The following RGS10 variants were observed in gnomAD, a reference collection of about 807,000 sequenced individuals.
RGS10 encodes the protein regulator of G protein signaling 10, also known as regulator of G-protein signalling 10.
Under a neutral mutation model 23.5 loss-of-function variants are expected in RGS10, and 11 were observed. The ratio of observed to expected loss-of-function variants is 0.47; its 90% CI spans 0.29 to 0.77. The LOEUF is 0.77. Ranked by LOEUF, RGS10 falls within the 30% of genes least tolerant of loss-of-function variation. The pLI is 0.08. For missense variants in RGS10, 180 were observed against 226.3 expected, an observed-to-expected ratio of 0.80 and a Z score of 1.31; for synonymous variants, 77 against 83.2, an observed-to-expected ratio of 0.92 and a Z score of 0.41.
At chr10:119,539,856 G>A (rs1261270554) in intron 1 of RGS10, among the ~76,000 whole-genome samples, 1 of 152,054 alleles carries the variant, frequency 6.6e-6, no homozygotes, top group African/African-American at 2.4e-5. Flanking sequence ...CAGGACCACA[G>A]CCAGGTCCAA....
In RGS10 at chr10:119,537,716, G is replaced by A. The variant is rs545073993; in HGVS notation, c.49+4874C>T. The stretch of plus-strand genomic sequence containing the variant: ...GGTGGCCGCCTGCCCACAGTGCCAC[G>A]GGCTGGTAGGCGGTTTTCTTCACTA... On this transcript the variant is annotated intron_variant, in intron 1 of 4. Transcript: ENST00000369103. Among the ~76,000 whole-genome samples, 29 of 152,324 alleles carry A rather than the reference G, an allele frequency of 1.9e-4. No homozygotes were observed. In the East Asian group the frequency reaches 5.0e-3, roughly 26 times the overall value.
chr10:119,533,477 A>T (rs1844354063), intron 1 of RGS10, among the ~76,000 whole-genome samples: 1 of 152,254 alleles, frequency 6.6e-6, no homozygotes, highest in African/African-American at 2.4e-5. Flanking sequence ...GAAGAAATAA[A>T]TACTCTTTCT....
At chr10:119,518,256 C>A (rs918040796) in intron 3 of RGS10, among the ~76,000 whole-genome samples, 5 of 152,190 alleles carry the variant, frequency 3.3e-5, no homozygotes, top group Non-Finnish European at 7.4e-5. Flanking sequence ...GACCAGAGAG[C>A]CCCTTTCTCC....
In RGS10 at chr10:119,534,821, C is replaced by T. The variant is rs188581988; in HGVS notation, c.50-7397G>A. The stretch of plus-strand genomic sequence containing the variant: ...AGGAGGATTGCTTGAACCTGGGAGG[C>T]GGAGGTTGCAGTGAGCCGAGATCAA... On this transcript the variant is annotated intron_variant, in intron 1 of 4. Transcript: ENST00000369103. Among the ~76,000 whole-genome samples the T allele has an allele frequency of 9.2e-5, 14 of 151,436 alleles. No individual in the cohort carries two copies. In the Middle Eastern group the frequency reaches 0.01, roughly 111 times the overall value.
At chr10:119,525,262 G>A (rs1199542375) in intron 3 of RGS10, among the ~76,000 whole-genome samples, 1 of 152,160 alleles carries the variant, frequency 6.6e-6, no homozygotes, top group African/African-American at 2.4e-5. Flanking sequence ...GACGGAACCT[G>A]AAGCAGGGGA....
chr10:119,512,498 C>T (rs1844089876), intron 4 of RGS10, among the ~76,000 whole-genome samples: 1 of 152,058 alleles, frequency 6.6e-6, no homozygotes, highest in Admixed American at 6.5e-5. Context: ...TGTTTTCACC[C>T]AATTATGCCT....
At chr10:119,503,458 G>T (rs1843974459) in intron 4 of RGS10, among the ~76,000 whole-genome samples, 1 of 152,186 alleles carries the variant, frequency 6.6e-6, no homozygotes. Context: ...TGTGACTGGG[G>T]CCCAGTAAGT....
rs374757155 is a variant in RGS10 at position 119,503,990 on chromosome 10, C to T, written c.400-3731G>A. Among the ~76,000 whole-genome samples, 99 of 152,302 alleles carry T rather than the reference C, an allele frequency of 6.5e-4. 1 individual carries two copies. In the South Asian group the frequency reaches 0.018, roughly 27 times the overall value. On this transcript the variant is annotated intron_variant, in intron 4 of 4. Coordinates refer to ENST00000369103, the MANE Select transcript of RGS10 (RefSeq NM_001005339.2). ...CATAACAGTGAGCAAAAGAGAAGGG[C>T]GGAAGGCCAGCCCTGGCAGGCTCTG...
rs10749322 is a variant in RGS10 at position 119,538,966 on chromosome 10, T to C, written c.49+3624A>G. 0.91 allele frequency among the ~76,000 whole-genome samples: 139,071 copies of C among 152,232 alleles called. 63,598 individuals are homozygous for C. The highest frequency in any genetic ancestry group is 0.96 in the African/African-American group (39,734 of 41,532). ...CCCAGGAAGCCCTAGGAAATGGCCA[T>C]GCCAGGCATCTACATTTTCTAACCA... On this transcript the variant is annotated intron_variant, in intron 1 of 4. Coordinates refer to ENST00000369103, the MANE Select transcript of RGS10 (RefSeq NM_001005339.2). The surrounding 1 kb of genome is among the most constrained non-coding windows in gnomAD (Gnocchi z 4.5).
chr10:119,525,373 C>T (rs1203619011), intron 3 of RGS10, among the ~76,000 whole-genome samples: 1 of 152,226 alleles, frequency 6.6e-6, no homozygotes, highest in Non-Finnish European at 1.5e-5. Flanking sequence ...TCCAGCCTCA[C>T]ACCAGGAGCC....
chr10:119,536,424 C>G, intron 1 of RGS10: 2 of 1,601,030 alleles, frequency 1.2e-6, no homozygotes, highest in Non-Finnish European at 8.6e-7. Context: ...AGGCGACAGG[C>G]AAACTGCGGA....
rs557094586 is a variant in RGS10 at position 119,534,642 on chromosome 10, G to A, written c.50-7218C>T. Reference sequence around the variant, plus strand: ...GCGGTGGCTCACGCCTGTAATCCCAGCACTTTGGGAGGCTGAGGCAGGCAG... The same window carrying A: ...GCGGTGGCTCACGCCTGTAATCCCAACACTTTGGGAGGCTGAGGCAGGCAG... On this transcript the variant is annotated intron_variant, in intron 1 of 4. Coordinates refer to ENST00000369103, the MANE Select transcript of RGS10 (RefSeq NM_001005339.2). Among the ~76,000 whole-genome samples, 10 of 145,546 alleles carry A rather than the reference G, an allele frequency of 6.9e-5. No individual in the cohort carries two copies. In the South Asian group the frequency reaches 2.2e-3, roughly 32 times the overall value.
At chr10:119,514,048 A>G (rs1844111195) in intron 4 of RGS10, among the ~76,000 whole-genome samples, 1 of 152,260 alleles carries the variant, frequency 6.6e-6, no homozygotes, top group Admixed American at 6.5e-5. Flanking sequence ...ATCAGGCTCA[A>G]ACGGGCAGTC....
At chr10:119,503,957 G>A (rs950912816) in intron 4 of RGS10, among the ~76,000 whole-genome samples, 3 of 152,188 alleles carry the variant, frequency 2.0e-5, no homozygotes, top group African/African-American at 7.2e-5. Flanking sequence ...GGGGAGCACA[G>A]TTCAGCCCAT....
chr10:119,527,423 G>A lies in RGS10; in HGVS notation c.51C>T (p.Asp17=), dbSNP rs757413977. Reference sequence around the variant, plus strand: ...TGGAACTGCCATCGCTGTCGTGGATGTCTGCAAAGCAAAGTTCAGACTGCA... The same window carrying A: ...TGGAACTGCCATCGCTGTCGTGGATATCTGCAAAGCAAAGTTCAGACTGCA... ...SRLSRKRPPS[D]IHDSDGSSSS... is the part of the protein sequence containing the mutation. The change falls in exon 2 of 5, where the codon GAC becomes GAT. Residue 17 remains aspartate, a splice_region_variant and synonymous_variant. Transcript: ENST00000369103. The surrounding 1 kb of genome is among the most constrained non-coding windows in gnomAD (Gnocchi z 4.2). 7.4e-6 allele frequency: 12 copies of A among 1,613,160 alleles called. No homozygotes were observed. Among genetic ancestry groups the A allele is most frequent in the Admixed American group, 6.7e-5 (4 of 60,022 alleles).
Position 119,542,698 on chromosome 10 carries a change from G to A in RGS10, c.-60C>T. 2.3e-6 allele frequency: 3 copies of A among 1,314,184 alleles called. No homozygotes were observed. Among genetic ancestry groups the A allele is most frequent in the East Asian group, 6.3e-5 (2 of 31,950 alleles). The allele number at this position is 1,314,184 out of a possible 1,614,324, so 81.4% of individuals were successfully genotyped here. ...CCGGCGGCGCGGCGGCTGAGCCGGA[G>A]GAAGGCGAGGAGGAGGAGGAGGGCG... On this transcript the variant is annotated 5_prime_UTR_variant, in exon 1 of 5. Transcript: ENST00000369103.
intron 2 of RGS10, 101 bp from the exon 3 acceptor site, chr10:119,526,219 G>T (rs976212954): frequency 5.1e-6 from 3 of 583,744 alleles, no homozygotes; most frequent in South Asian, 5.6e-5. Context: ...AAATTCAACA[G>T]AGGAGCATGG....
At chr10:119,526,374 A>T (rs1220217512) in intron 2 of RGS10, among the ~76,000 whole-genome samples, 1 of 152,246 alleles carries the variant, frequency 6.6e-6, no homozygotes, top group African/African-American at 2.4e-5. Context: ...CATATTTCTA[A>T]GCTGACAATA....
intron 4 of RGS10, among the ~76,000 whole-genome samples, chr10:119,501,038 C>T (rs567398871): frequency 1.1e-4 from 16 of 152,256 alleles, no homozygotes; most frequent in African/African-American, 3.6e-4. Context: ...TTCCTCTGGC[C>T]GCCACTGAAC....
Sources: allele counts gnomAD v4.1 joint callset (sites outside exome capture counted in the v4.1 genomes callset), GRCh38; gene constraint gnomAD v4.1.1; non-coding constraint Gnocchi (gnomAD v3.1); transcripts MANE v1.5; gene names NCBI Gene and HGNC (gene_info 2026-07-23, HGNC 2026-07-21).